The following FIP1L1 variants were observed in gnomAD, a reference collection of about 807,000 sequenced individuals.
The protein encoded by FIP1L1 is pre-mRNA 3'-end-processing factor FIP1.
A neutral mutation model predicts 84.6 loss-of-function variants in FIP1L1; 21 were observed. The observed-to-expected ratio is 0.25, with a 90% confidence interval of 0.18 to 0.36. The LOEUF (loss-of-function observed/expected upper bound fraction) is 0.36, where lower values mean the gene tolerates loss of function less well. FIP1L1 is among the 10% of genes least tolerant of loss of function. The pLI is 1.00. For missense variants in FIP1L1, 526 were observed against 751.1 expected, an observed-to-expected ratio of 0.70 and a Z score of 3.50; for synonymous variants, 263 against 242.3, an observed-to-expected ratio of 1.09 and a Z score of -0.80.
intron 3 of FIP1L1, 134 bp from the exon 4 acceptor site, chr4:53,382,144 A>G (rs112825339): frequency 2.5e-4 from 147 of 597,774 alleles, no homozygotes; most frequent in African/African-American, 2.4e-3. Flanking sequence ...TAAGACAGTC[A>G]GATTTTACCA....
At chr4:53,404,252 T>C (rs62325168) in intron 10 of FIP1L1, among the ~76,000 whole-genome samples, 16,296 of 145,064 alleles carry the variant, frequency 0.11, 1,030 homozygotes, top group East Asian at 0.16. Context: ...TGAGTGAGAA[T>C]ATGCGGTGTT....
chr4:53,379,002 AT>A lies in FIP1L1; in HGVS notation c.86-62del, dbSNP rs1013936115. 185 of 1,458,202 alleles carry A rather than the reference AT, an allele frequency of 1.3e-4. 1 individual carries two copies. Among genetic ancestry groups the A allele is most frequent in the Middle Eastern group, 3.5e-4 (2 of 5,676 alleles). The allele number at this position is 1,458,202 out of a possible 1,614,324, so 90.3% of individuals were successfully genotyped here. The stretch of plus-strand genomic sequence containing the variant: ...CTTATTTTTATAGCAGTAAAGTCTG[AT>A]TTTTTTTTCCATAAAATAAGTATCT... On this transcript the variant is annotated intron_variant, in intron 1 of 17. Transcript: ENST00000337488.
At chr4:53,408,061 C>T (rs1754749039) in intron 10 of FIP1L1, among the ~76,000 whole-genome samples, 1 of 152,128 alleles carries the variant, frequency 6.6e-6, no homozygotes, top group African/African-American at 2.4e-5. Flanking sequence ...TTATTTTGCT[C>T]GTTAGTTGAT....
At chr4:53,400,167 C>G (rs532435453) in intron 10 of FIP1L1, among the ~76,000 whole-genome samples, 2 of 152,266 alleles carry the variant, frequency 1.3e-5, no homozygotes, top group Admixed American at 1.3e-4. Flanking sequence ...GCTCCCTATT[C>G]TTACATAAAG....
Position 53,389,311 on chromosome 4 carries a change from G to A in FIP1L1, c.333-498G>A, listed in dbSNP as rs927618596. 2.6e-5 allele frequency among the ~76,000 whole-genome samples: 4 copies of A among 152,158 alleles called. No individual in the cohort carries two copies. In the East Asian group the frequency reaches 7.7e-4, roughly 29 times the overall value. ...AATTTTACTTATGCTTAAGAGTGCT[G>A]TATATTTAATAACTGGGAGGCAAGG... On this transcript the variant is annotated intron_variant, in intron 5 of 17. Transcript: ENST00000337488.
chr4:53,425,048 T>C (rs1283917697), intron 11 of FIP1L1, among the ~76,000 whole-genome samples: 1 of 152,140 alleles, frequency 6.6e-6, no homozygotes, highest in Non-Finnish European at 1.5e-5. Flanking sequence ...CTATAAAGTT[T>C]TAAAGGCAGT....
intron 9 of FIP1L1, among the ~76,000 whole-genome samples, chr4:53,395,483 G>A (rs1746730621): frequency 6.6e-6 from 1 of 152,146 alleles, no homozygotes; most frequent in East Asian, 1.9e-4. Context: ...GCTTTGGGGG[G>A]AAGGGGAGGT....
chr4:53,379,163 C>G, intron 2 of FIP1L1, 46 bp downstream of exon 2: 1 of 1,607,798 alleles, frequency 6.2e-7, no homozygotes. Flanking sequence ...ATACTAGTTT[C>G]TTTAAGAGTG....
intron 15 of FIP1L1, among the ~76,000 whole-genome samples, chr4:53,449,944 TG>T (rs1460010084): frequency 1.3e-5 from 2 of 152,174 alleles, no homozygotes; most frequent in Non-Finnish European, 2.9e-5. Flanking sequence ...GATCCCTTTT[TG>T]CTTCTGATGC....
At chr4:53,407,816 C>A (rs1192876103) in intron 10 of FIP1L1, among the ~76,000 whole-genome samples, 1 of 151,964 alleles carries the variant, frequency 6.6e-6, no homozygotes, top group Non-Finnish European at 1.5e-5. Context: ...AGGACTGCAA[C>A]CCCTGCCTTT....
At chr4:53,435,598 T>C (rs1444171203) in intron 13 of FIP1L1, among the ~76,000 whole-genome samples, 1 of 152,226 alleles carries the variant, frequency 6.6e-6, no homozygotes, top group Non-Finnish European at 1.5e-5. Flanking sequence ...CATTTTATAG[T>C]GTATGTAAAA....
At chr4:53,458,319 A>C (rs1560594482) in intron 16 of FIP1L1, among the ~76,000 whole-genome samples, 1 of 152,136 alleles carries the variant, frequency 6.6e-6, no homozygotes, top group East Asian at 1.9e-4. Flanking sequence ...AGCTGATAAC[A>C]ATTTAAATCA....
At chr4:53,447,353 C>T (rs1374606801) in intron 15 of FIP1L1, among the ~76,000 whole-genome samples, 1 of 152,024 alleles carries the variant, frequency 6.6e-6, no homozygotes, top group African/African-American at 2.4e-5. Flanking sequence ...CTCCTCTTCT[C>T]ATTTATCTGT....
intron 3 of FIP1L1, 84 bp from the exon 4 acceptor site, chr4:53,382,194 T>C (rs2149275498): frequency 1.1e-6 from 1 of 938,874 alleles, no homozygotes; most frequent in Non-Finnish European, 1.7e-6. Context: ...AGGAGCTTTA[T>C]TAAAGCTTAG....
chr4:53,388,517 A>G (rs1358787614), intron 5 of FIP1L1, among the ~76,000 whole-genome samples: 1 of 151,888 alleles, frequency 6.6e-6, no homozygotes, highest in Non-Finnish European at 1.5e-5. Context: ...TCTATTTTTT[A>G]GTGGAGACGG....
At chr4:53,437,313 A>C (rs1769709062) in intron 13 of FIP1L1, among the ~76,000 whole-genome samples, 1 of 110,964 alleles carries the variant, frequency 9.0e-6, no homozygotes, top group African/African-American at 3.4e-5. Context: ...ACAGTGTGAG[A>C]CCCTGTCTCA....
chr4:53,406,289 C>T (rs963672291), intron 10 of FIP1L1, among the ~76,000 whole-genome samples: 1 of 152,148 alleles, frequency 6.6e-6, no homozygotes, highest in Admixed American at 6.5e-5. Context: ...GTCTTTGGTT[C>T]TGTTTATATG....
In FIP1L1 at chr4:53,460,048, A is replaced by G. The variant is rs565966419; in HGVS notation, c.*599A>G. 89 of 105,196 alleles carry G rather than the reference A, an allele frequency of 8.5e-4. No individual in the cohort carries two copies. The highest frequency in any genetic ancestry group is 1.2e-3 in the Non-Finnish European group (61 of 51,970). The allele number at this position is 105,196 out of a possible 1,614,324, so 6.5% of individuals were successfully genotyped here. A position where few individuals can be genotyped will look rare whatever the true frequency, so the allele number is the denominator to read the frequency against. On this transcript the variant is annotated 3_prime_UTR_variant, in exon 18 of 18. Coordinates refer to ENST00000337488, the MANE Select transcript of FIP1L1 (RefSeq NM_030917.4). ...CCTATAAGGCATCTGGGTGGCCTCT[A>G]TGAAATAAATTAATTAATTACCCAT...
chr4:53,390,657 C>G (rs1237695804), intron 7 of FIP1L1, 29 bp downstream of exon 7: 5 of 1,461,260 alleles, frequency 3.4e-6, no homozygotes, highest in Non-Finnish European at 4.7e-6. Context: ...ATATTAATTT[C>G]AATATTTTCA....
Sources: gnomAD v4.1 joint callset for allele counts (sites outside exome capture counted in the v4.1 genomes callset) on GRCh38, gnomAD v4.1.1 for gene constraint, MANE v1.5 for transcripts, NCBI Gene and HGNC (gene_info 2026-07-23, HGNC 2026-07-21) for gene names.